Variants in TTC7B observed in about 807,000 individuals in gnomAD.
The protein encoded by TTC7B is tetratricopeptide repeat domain 7B.
A neutral mutation model predicts 106.8 loss-of-function variants in TTC7B; 28 were observed. That is an observed-to-expected ratio of 0.26 (90% CI 0.19 to 0.36). The LOEUF (loss-of-function observed/expected upper bound fraction) is 0.36. Ranked by LOEUF, TTC7B falls within the 10% of genes least tolerant of loss-of-function variation. The probability of loss-of-function intolerance (pLI) is 1.00; values close to 1 mark genes in which losing one functional copy is unlikely to be tolerated. For missense variants in TTC7B, 862 were observed against 1,076.4 expected (o/e 0.80, Z 2.79); for synonymous variants, 405 against 430.6 (o/e 0.94, Z 0.74).
chr14:90,760,171 AC>A (rs1566874380), intron 3 of TTC7B, among the ~76,000 whole-genome samples: 1 of 152,144 alleles, frequency 6.6e-6, no homozygotes, highest in Non-Finnish European at 1.5e-5. Context: ...CCAAGGGCGG[AC>A]TCAGCACAGG....
intron 18 of TTC7B, among the ~76,000 whole-genome samples, chr14:90,587,384 C>T (rs1891759594): frequency 2.6e-5 from 4 of 152,368 alleles, no homozygotes; most frequent in African/African-American, 9.6e-5. Flanking sequence ...CCTGGCTCCC[C>T]TTGGCTGCTT....
At chr14:90,580,143 G>A (rs1891428095) in intron 18 of TTC7B, among the ~76,000 whole-genome samples, 1 of 152,378 alleles carries the variant, frequency 6.6e-6, no homozygotes, top group Non-Finnish European at 1.5e-5. Flanking sequence ...CGACATGAGG[G>A]CAGGGATGGT....
At chr14:90,662,150 G>C (rs1339833835) in intron 9 of TTC7B, among the ~76,000 whole-genome samples, 12 of 152,226 alleles carry the variant, frequency 7.9e-5, no homozygotes, top group Non-Finnish European at 1.6e-4. Flanking sequence ...GGGACGAGCA[G>C]GCACTCCCAA....
intron 6 of TTC7B, among the ~76,000 whole-genome samples, chr14:90,692,615 C>A (rs904410726): frequency 1.3e-5 from 2 of 152,114 alleles, no homozygotes. Context: ...TTTTTAAATG[C>A]GCTTTTAAAA....
intron 4 of TTC7B, among the ~76,000 whole-genome samples, chr14:90,740,335 C>T (rs1453012984): frequency 6.6e-6 from 1 of 152,008 alleles, no homozygotes; most frequent in Non-Finnish European, 1.5e-5. Context: ...CCCGGAAGCA[C>T]ACAGAAACAA....
chr14:90,743,271 C>T (rs730043), intron 4 of TTC7B, among the ~76,000 whole-genome samples: 1 of 152,044 alleles, frequency 6.6e-6, no homozygotes, highest in Non-Finnish European at 1.5e-5. Flanking sequence ...ACTCTCTCCA[C>T]CTCTCCTGCT....
At chr14:90,739,518 G>C (rs969557575) in intron 4 of TTC7B, among the ~76,000 whole-genome samples, 1 of 152,144 alleles carries the variant, frequency 6.6e-6, no homozygotes, top group Non-Finnish European at 1.5e-5. Flanking sequence ...CTCCTGCCGG[G>C]AGAACATAAT....
intron 3 of TTC7B, among the ~76,000 whole-genome samples, chr14:90,773,385 G>T (rs1227294361): frequency 6.6e-6 from 1 of 152,080 alleles, no homozygotes; most frequent in African/African-American, 2.4e-5. Context: ...GAGTGATTAT[G>T]CTCCCACTGA....
rs1891231026 is a variant in TTC7B, at chr14:90,575,593, G to C, written c.2310+2513C>G. On this transcript the variant is annotated intron_variant, in intron 19 of 19. Transcript: ENST00000328459. The surrounding 1 kb of genome is among the most constrained non-coding windows in gnomAD (Gnocchi z 5.2). ...GGGTCCTGCAGCACCAGTGGGAGGGGGGCCTGCCCTTGGCTGCATGGGGCT... is the reference window on the plus strand; with the variant it reads ...GGGTCCTGCAGCACCAGTGGGAGGGCGGCCTGCCCTTGGCTGCATGGGGCT... 6.6e-6 allele frequency among the ~76,000 whole-genome samples: 1 copy of C among 152,212 alleles called. No individual in the cohort carries two copies. Among genetic ancestry groups the C allele is most frequent in the African/African-American group, 2.4e-5 (1 of 41,462 alleles).
intron 19 of TTC7B, among the ~76,000 whole-genome samples, chr14:90,544,072 C>A (rs1045988279): frequency 6.6e-6 from 1 of 152,290 alleles, no homozygotes; most frequent in Non-Finnish European, 1.5e-5. Flanking sequence ...GTGTGTGGCC[C>A]CTGTGGAGGC....
intron 17 of TTC7B, among the ~76,000 whole-genome samples, chr14:90,606,450 T>C (rs1892642999): frequency 6.6e-6 from 1 of 152,260 alleles, no homozygotes; most frequent in African/African-American, 2.4e-5. Context: ...TAGGTATTTG[T>C]TGATATCTAT....
rs1485776756 is a variant in TTC7B, at chr14:90,657,038, C to T, written c.1341+136G>A. The T allele has an allele frequency of 1.8e-5, 13 of 734,164 alleles. No individual in the cohort carries two copies. The highest frequency in any genetic ancestry group is 5.6e-5 in the Admixed American group (2 of 35,590). 45.5% of individuals were successfully genotyped at this position (734,164 alleles called of 1,614,324 possible). A position where few individuals can be genotyped will look rare whatever the true frequency, so the allele number is the denominator to read the frequency against. On this transcript the variant is annotated intron_variant, in intron 11 of 19. Transcript: ENST00000328459. The surrounding 1 kb of genome is among the most constrained non-coding windows in gnomAD (Gnocchi z 4.2). The stretch of plus-strand genomic sequence containing the variant: ...AGGCCAGGGGCCCAGGCCCAGGGTC[C>T]GTGGCTCTACACAGTCTTGTCTTTG...
chr14:90,780,944 C>T (rs747702190), intron 2 of TTC7B, 38 bp from the exon 3 acceptor site: 1 of 1,592,898 alleles, frequency 6.3e-7, no homozygotes, highest in Non-Finnish European at 8.6e-7. Flanking sequence ...CATTTTCCTA[C>T]AATATCAGGC....
At chr14:90,795,795 G>A (rs945050691) in intron 1 of TTC7B, among the ~76,000 whole-genome samples, 20 of 152,182 alleles carry the variant, frequency 1.3e-4, no homozygotes, top group Non-Finnish European at 2.2e-4. Flanking sequence ...CACAAGCTCC[G>A]TGTTCAACAG....
intron 3 of TTC7B, among the ~76,000 whole-genome samples, chr14:90,760,351 T>C (rs182778977): frequency 1.2e-3 from 182 of 152,312 alleles, no homozygotes; most frequent in African/African-American, 4.3e-3. Flanking sequence ...CTCCACAGTC[T>C]GCAGAGGTGC....
chr14:90,687,872 C>T (rs1215557811), intron 7 of TTC7B, among the ~76,000 whole-genome samples: 2 of 152,128 alleles, frequency 1.3e-5, no homozygotes, highest in African/African-American at 4.8e-5. Flanking sequence ...GAAACACAAA[C>T]TTGAACAAGA....
chr14:90,796,069 C>G (rs965564584), intron 1 of TTC7B, among the ~76,000 whole-genome samples: 6 of 152,200 alleles, frequency 3.9e-5, no homozygotes, highest in African/African-American at 1.4e-4. Context: ...CTCTCTCCGG[C>G]ACGCCATGCA....
At chr14:90,595,338 A>G (rs1165896369) in intron 17 of TTC7B, among the ~76,000 whole-genome samples, 1 of 152,180 alleles carries the variant, frequency 6.6e-6, no homozygotes, top group African/African-American at 2.4e-5. Flanking sequence ...GTCTCAAAAA[A>G]ATAAATAAAT....
In TTC7B at chr14:90,663,367, T is replaced by C. The variant is rs1327716675; in HGVS notation, c.1153-4980A>G. ...CTTCATTTATCAGGCCCACTCATGC[T>C]GCAGAAAGCAAAGGACAACTAAATA... On this transcript the variant is annotated intron_variant, in intron 9 of 19. Coordinates refer to ENST00000328459, the MANE Select transcript of TTC7B (RefSeq NM_001010854.2). This position sits in a 1 kb window ranked among gnomAD's most constrained non-coding sequence, Gnocchi z 4.5. Among the ~76,000 whole-genome samples, 1 of 152,186 alleles carries C rather than the reference T, an allele frequency of 6.6e-6. No homozygotes were observed. The highest frequency in any genetic ancestry group is 1.5e-5 in the Non-Finnish European group (1 of 68,042).
Sources: gnomAD v4.1 joint callset for allele counts (sites outside exome capture counted in the v4.1 genomes callset) on GRCh38, gnomAD v4.1.1 for gene constraint, Gnocchi (gnomAD v3.1) non-coding constraint, MANE v1.5 for transcripts, NCBI Gene and HGNC (gene_info 2026-07-23, HGNC 2026-07-21) for gene names.